The following CCDC178 variants were observed in gnomAD, a reference collection of about 807,000 sequenced individuals.
The protein encoded by CCDC178 is coiled-coil domain containing 178.
A neutral mutation model predicts 117.4 loss-of-function variants in CCDC178; 126 were observed. The ratio of observed to expected loss-of-function variants is 1.07; its 90% CI spans 0.93 to 1.24. The LOEUF is 1.24. Among genes scored for constraint, CCDC178 ranks in the 50% most tolerant of loss-of-function variants. CCDC178 has a pLI of 0.00. For synonymous variants in CCDC178, 283 were observed against 313.4 expected, an observed-to-expected ratio of 0.90 and a Z score of 1.02; for missense variants, 1,030 against 986.9, an observed-to-expected ratio of 1.04 and a Z score of -0.59.
At chr18:33,283,748 A>G (rs2060054466) in intron 12 of CCDC178, among the ~76,000 whole-genome samples, 1 of 152,208 alleles carries the variant, frequency 6.6e-6, no homozygotes, top group Non-Finnish European at 1.5e-5. Context: ...TAAAAAGCCA[A>G]AAAAATAACA....
intron 14 of CCDC178, among the ~76,000 whole-genome samples, chr18:33,252,318 A>G (rs1351124565): frequency 9.2e-5 from 14 of 151,760 alleles, no homozygotes; most frequent in Admixed American, 9.2e-4. Context: ...AGAGGTAGAA[A>G]GTAGGAATAG....
At chr18:33,278,282 C>CATATAT (rs36227101) in intron 12 of CCDC178, among the ~76,000 whole-genome samples, 28 of 141,380 alleles carry the variant, frequency 2.0e-4, no homozygotes, top group Middle Eastern at 3.8e-3. Flanking sequence ...TACACAAATA[C>CATATAT]ATATATATAT....
At chr18:33,247,068 T>C (rs900839498) in intron 14 of CCDC178, among the ~76,000 whole-genome samples, 4 of 99,202 alleles carry the variant, frequency 4.0e-5, no homozygotes, top group Non-Finnish European at 8.4e-5. Flanking sequence ...TATATGTAAG[T>C]GTGTTACGTG....
At chr18:33,329,671 A>G (rs2062636670) in intron 10 of CCDC178, among the ~76,000 whole-genome samples, 1 of 152,072 alleles carries the variant, frequency 6.6e-6, no homozygotes, top group African/African-American at 2.4e-5. Flanking sequence ...AATCTTTTTA[A>G]TATGCTGCTA....
intron 10 of CCDC178, among the ~76,000 whole-genome samples, chr18:33,324,643 CA>C (rs776749559): frequency 0.072 from 10,962 of 151,600 alleles, 478 homozygotes; most frequent in Non-Finnish European, 0.092. Flanking sequence ...TTATTGTGTA[CA>C]TTTTACTAGA....
At chr18:33,099,053 A>T (rs2057585850) in intron 20 of CCDC178, among the ~76,000 whole-genome samples, 1 of 152,010 alleles carries the variant, frequency 6.6e-6, no homozygotes. Context: ...AATTTGGAGG[A>T]GTCAGAGTCA....
rs1015768842 is a variant in CCDC178 at position 33,237,783 on chromosome 18, A to AC, written c.1593+7461_1593+7462insG. Among the ~76,000 whole-genome samples the AC allele has an allele frequency of 4.6e-5, 7 of 151,604 alleles. No homozygotes were observed. In the East Asian group the frequency reaches 1.2e-3, roughly 25 times the overall value. ...CTGGTCCCAAGACTGAAAAAAACAA[A>AC]AAAAAAAACATAAATAAAACATGGG... is the stretch of plus-strand genomic sequence containing the variant. On this transcript the variant is annotated intron_variant, in intron 15 of 22. Coordinates refer to ENST00000383096, the MANE Select transcript of CCDC178 (RefSeq NM_001105528.4).
chr18:33,363,162 C>A (rs542767608), intron 6 of CCDC178, among the ~76,000 whole-genome samples: 1 of 151,942 alleles, frequency 6.6e-6, no homozygotes, highest in African/African-American at 2.4e-5. Context: ...ACATAATTAT[C>A]TAATTCAAGG....
intron 2 of CCDC178, among the ~76,000 whole-genome samples, chr18:33,427,367 C>CT (rs1247744588): frequency 6.6e-6 from 1 of 151,952 alleles, no homozygotes; most frequent in Non-Finnish European, 1.5e-5. Context: ...TCTTTACAAT[C>CT]TTTTTTATTG....
At chr18:33,377,229 G>C (rs1228217540) in intron 5 of CCDC178, among the ~76,000 whole-genome samples, 2 of 152,078 alleles carry the variant, frequency 1.3e-5, no homozygotes, top group Non-Finnish European at 2.9e-5. Flanking sequence ...TCACATGCTT[G>C]TTGGCCATGT....
intron 20 of CCDC178, among the ~76,000 whole-genome samples, chr18:33,124,475 T>C (rs994912774): frequency 2.0e-5 from 3 of 152,192 alleles, no homozygotes; most frequent in Admixed American, 6.6e-5. Context: ...CCATACAGTC[T>C]TTCCCCAAAA....
At chr18:33,162,170 C>A (rs1199721674) in intron 20 of CCDC178, among the ~76,000 whole-genome samples, 1 of 151,910 alleles carries the variant, frequency 6.6e-6, no homozygotes, top group African/African-American at 2.4e-5. Context: ...CATCACACAC[C>A]GGGGCCTATT....
chr18:33,056,578 T>C (rs2056833463), intron 21 of CCDC178, among the ~76,000 whole-genome samples: 1 of 152,074 alleles, frequency 6.6e-6, no homozygotes, highest in South Asian at 2.1e-4. Context: ...TAGGGATAAA[T>C]AATAAAAGTG....
At chr18:33,416,218 G>A (rs1051662433) in intron 2 of CCDC178, among the ~76,000 whole-genome samples, 1 of 152,180 alleles carries the variant, frequency 6.6e-6, no homozygotes, top group African/African-American at 2.4e-5. Context: ...ATGAGGCCAG[G>A]AGTTCGAAAC....
At chr18:33,039,886 C>A (rs1376986937) in intron 21 of CCDC178, among the ~76,000 whole-genome samples, 1 of 151,830 alleles carries the variant, frequency 6.6e-6, no homozygotes, top group African/African-American at 2.4e-5. Context: ...CACTTATTTG[C>A]CTTTTTCACT....
At chr18:33,057,611 C>T (rs1439585679) in intron 21 of CCDC178, among the ~76,000 whole-genome samples, 1 of 152,196 alleles carries the variant, frequency 6.6e-6, no homozygotes, top group South Asian at 2.1e-4. Flanking sequence ...TCTGTCTCAG[C>T]CTCCTGAGTA....
chr18:33,374,541 G>A (rs1274265682), intron 5 of CCDC178, among the ~76,000 whole-genome samples: 1 of 152,164 alleles, frequency 6.6e-6, no homozygotes, highest in Non-Finnish European at 1.5e-5. Flanking sequence ...TAGTGGAAAT[G>A]TAAAATTGTT....
intron 15 of CCDC178, among the ~76,000 whole-genome samples, chr18:33,240,963 A>T (rs910526394): frequency 6.6e-6 from 1 of 151,954 alleles, no homozygotes; most frequent in Non-Finnish European, 1.5e-5. Flanking sequence ...ACACTAGCAA[A>T]CTGAATCCAA....
chr18:32,998,224 G>A (rs1296691202), intron 21 of CCDC178, among the ~76,000 whole-genome samples: 1 of 152,200 alleles, frequency 6.6e-6, no homozygotes. Context: ...CCCTATTGCA[G>A]AGGAATGCAA....
Sources: gnomAD v4.1 joint callset for allele counts (sites outside exome capture counted in the v4.1 genomes callset) on GRCh38, gnomAD v4.1.1 for gene constraint, MANE v1.5 for transcripts, NCBI Gene and HGNC (gene_info 2026-07-23, HGNC 2026-07-21) for gene names.